The following CACNA2D1 variants were observed in gnomAD, a reference collection of about 807,000 sequenced individuals.
CACNA2D1 encodes calcium voltage-gated channel auxiliary subunit alpha2delta 1.
CACNA2D1 carries 53 observed loss-of-function variants against 171.5 expected under a neutral mutation model. The observed-to-expected ratio is 0.31, with a 90% CI of 0.25 to 0.39. The LOEUF is 0.39. Among genes scored for constraint, CACNA2D1 ranks in the 10% least tolerant of loss-of-function variants. The pLI, the probability that CACNA2D1 is intolerant of heterozygous loss-of-function variation, is 1.00. For missense variants in CACNA2D1, 903 were observed against 1,299.8 expected (o/e 0.69, Z 4.69); for synonymous variants, 442 against 443.1 (o/e 1.00, Z 0.03).
chr7:82,373,904 C>A (rs1027563231), intron 1 of CACNA2D1, among the ~76,000 whole-genome samples: 3 of 152,100 alleles, frequency 2.0e-5, no homozygotes, highest in Non-Finnish European at 2.9e-5. Flanking sequence ...GACAAGTGTA[C>A]GAAAAAAGTA....
At chr7:82,027,502 T>A (rs968050287) in intron 12 of CACNA2D1, among the ~76,000 whole-genome samples, 1 of 151,774 alleles carries the variant, frequency 6.6e-6, no homozygotes, top group Non-Finnish European at 1.5e-5. Context: ...CTCAGTTTTG[T>A]ATCTATAAGC....
At chr7:82,214,138 C>G (rs1387396850) in intron 3 of CACNA2D1, among the ~76,000 whole-genome samples, 1 of 152,160 alleles carries the variant, frequency 6.6e-6, no homozygotes, top group East Asian at 1.9e-4. Context: ...AGGCCCCACT[C>G]TTTAATACCA....
rs930354595 is a variant in CACNA2D1, at chr7:82,291,605, T to A, written c.294+43530A>T. ...TACTAGATATATAATATATAAAAAA[T>A]ATATATAAAATCTATATTTTTATAT... On this transcript the variant is annotated intron_variant, in intron 3 of 38. Transcript: ENST00000356860. 9.8e-5 allele frequency among the ~76,000 whole-genome samples: 14 copies of A among 143,578 alleles called. No homozygotes were observed. In the East Asian group the frequency reaches 2.2e-3, roughly 23 times the overall value. The allele number at this position is 143,578 out of a possible 152,430, so 94.2% of individuals were successfully genotyped here. A position where few individuals can be genotyped will look rare whatever the true frequency, so the allele number is the denominator to read the frequency against.
At chr7:82,390,446 C>A (rs1320381168) in intron 1 of CACNA2D1, among the ~76,000 whole-genome samples, 1 of 152,136 alleles carries the variant, frequency 6.6e-6, no homozygotes, top group Non-Finnish European at 1.5e-5. Flanking sequence ...GGTAATTGAG[C>A]AAACCTGGAG....
At chr7:82,332,528 A>AAG (rs1438969903) in intron 3 of CACNA2D1, among the ~76,000 whole-genome samples, 10 of 50,894 alleles carry the variant, frequency 2.0e-4, no homozygotes, top group African/African-American at 3.8e-4. Context: ...GAAAGAAAGA[A>AAG]AGAAAGAAAG....
chr7:82,323,514 G>A (rs879322082), intron 3 of CACNA2D1, among the ~76,000 whole-genome samples: 3 of 152,120 alleles, frequency 2.0e-5, no homozygotes, highest in Non-Finnish European at 2.9e-5. Context: ...GCAGTCAGAC[G>A]AGGCTGACTG....
intron 12 of CACNA2D1, among the ~76,000 whole-genome samples, chr7:82,030,560 A>T (rs1802556908): frequency 6.6e-6 from 1 of 151,840 alleles, no homozygotes; most frequent in Admixed American, 6.6e-5. Flanking sequence ...AGAATGTAAA[A>T]TTCATTGCCA....
intron 5 of CACNA2D1, among the ~76,000 whole-genome samples, chr7:82,118,879 T>G (rs1789388829): frequency 6.6e-6 from 1 of 152,056 alleles, no homozygotes; most frequent in Admixed American, 6.6e-5. Flanking sequence ...CCTTTTCTAG[T>G]TTATATAAAT....
intron 1 of CACNA2D1, among the ~76,000 whole-genome samples, chr7:82,423,655 C>T (rs918022617): frequency 2.6e-5 from 4 of 152,162 alleles, no homozygotes; most frequent in Admixed American, 6.5e-5. Context: ...AAGGCCATTG[C>T]GATCCATAGC....
chr7:82,381,834 T>A (rs910027287), intron 1 of CACNA2D1, among the ~76,000 whole-genome samples: 1 of 152,328 alleles, frequency 6.6e-6, no homozygotes, highest in Non-Finnish European at 1.5e-5. Flanking sequence ...GTAACATCCA[T>A]GGTCTACATA....
At chr7:81,994,833 T>G (rs1797880569) in intron 20 of CACNA2D1, 35 bp downstream of exon 20, 1 of 1,040,010 alleles carries the variant, frequency 9.6e-7, no homozygotes, top group African/African-American at 1.6e-5. Flanking sequence ...CTTGATATAA[T>G]TTTTATTTAA....
chr7:82,257,000 G>A (rs1477706004), intron 3 of CACNA2D1, among the ~76,000 whole-genome samples: 1 of 152,130 alleles, frequency 6.6e-6, no homozygotes, highest in African/African-American at 2.4e-5. Context: ...TGGTATCAAT[G>A]GTGAGGATGG....
At chr7:82,042,242 T>G (rs574115236) in intron 10 of CACNA2D1, among the ~76,000 whole-genome samples, 3 of 152,328 alleles carry the variant, frequency 2.0e-5, no homozygotes, top group Admixed American at 2.0e-4. Context: ...CTTAGACTCA[T>G]CAGCTTATAT....
chr7:82,173,878 T>TA (rs1347109938), intron 3 of CACNA2D1, among the ~76,000 whole-genome samples: 1 of 150,836 alleles, frequency 6.6e-6, no homozygotes, highest in Non-Finnish European at 1.5e-5. Context: ...ATCCTGTCTC[T>TA]AAAAAAATAA....
chr7:82,095,319 C>G (rs948780582), intron 6 of CACNA2D1, among the ~76,000 whole-genome samples: 1 of 152,176 alleles, frequency 6.6e-6, no homozygotes, highest in Non-Finnish European at 1.5e-5. Flanking sequence ...CTCCCCACTC[C>G]TTATTTTTTT....
intron 3 of CACNA2D1, among the ~76,000 whole-genome samples, chr7:82,216,099 T>A (rs1801072689): frequency 6.6e-6 from 1 of 152,200 alleles, no homozygotes; most frequent in Admixed American, 6.5e-5. Flanking sequence ...TATTGTCTAA[T>A]TACAAAACCA....
intron 25 of CACNA2D1, among the ~76,000 whole-genome samples, chr7:81,972,098 T>C (rs1795341547): frequency 6.6e-6 from 1 of 151,708 alleles, no homozygotes; most frequent in Admixed American, 6.6e-5. Context: ...CCAAATTATT[T>C]TGTAAACTTT....
chr7:82,312,690 T>A (rs2129433794), intron 3 of CACNA2D1, among the ~76,000 whole-genome samples: 1 of 151,808 alleles, frequency 6.6e-6, no homozygotes, highest in Non-Finnish European at 1.5e-5. Context: ...CTAATTTTTT[T>A]TTTTTTGTAT....
At chr7:82,317,798 G>A (rs1170775955) in intron 3 of CACNA2D1, among the ~76,000 whole-genome samples, 4 of 152,024 alleles carry the variant, frequency 2.6e-5, no homozygotes, top group Non-Finnish European at 4.4e-5. Context: ...CCAAAAGATA[G>A]CTTCATTTGC....
Sources: gnomAD v4.1 joint callset for allele counts (sites outside exome capture counted in the v4.1 genomes callset) on GRCh38, gnomAD v4.1.1 for gene constraint, MANE v1.5 for transcripts, NCBI Gene and HGNC (gene_info 2026-07-23, HGNC 2026-07-21) for gene names.